Variants in LZTFL1 observed in about 807,000 individuals in gnomAD.
LZTFL1 encodes the protein leucine zipper transcription factor-like protein 1.
Under a neutral mutation model 45.9 loss-of-function variants are expected in LZTFL1, and 25 were observed. That is an observed-to-expected ratio of 0.54 (90% CI 0.40 to 0.76). LZTFL1 has a LOEUF of 0.76. Ranked by LOEUF, LZTFL1 falls within the 30% of genes least tolerant of loss-of-function variation. LZTFL1 has a pLI of 0.00. For synonymous variants in LZTFL1, 93 were observed against 117.4 expected (o/e 0.79, Z 1.35); for missense variants, 277 against 331.1 (o/e 0.84, Z 1.27).
chr3:45,851,641 A>G (rs113181700), intron 4 of LZTFL1, among the ~76,000 whole-genome samples: 3,673 of 152,110 alleles, frequency 0.024, 156 homozygotes, highest in African/African-American at 0.082. Flanking sequence ...AGAAGTTTCT[A>G]TTTCTCACCA....
intron 2 of LZTFL1, among the ~76,000 whole-genome samples, chr3:45,861,728 A>G (rs963786615): frequency 3.9e-5 from 6 of 152,240 alleles, no homozygotes; most frequent in African/African-American, 1.4e-4. Context: ...AACTAGCAGT[A>G]AAGCACATAA....
At chr3:45,840,156 A>G (rs977169913) in intron 1 of LZTFL1, among the ~76,000 whole-genome samples, 1 of 152,192 alleles carries the variant, frequency 6.6e-6, no homozygotes, top group Non-Finnish European at 1.5e-5. Flanking sequence ...AGGAAAGTTA[A>G]GACTGTCCCA....
intron 2 of LZTFL1, among the ~76,000 whole-genome samples, chr3:45,891,692 A>AT (rs1054339466): frequency 4.6e-5 from 7 of 151,816 alleles, no homozygotes; most frequent in East Asian, 1.9e-4. Context: ...CTTCACAATT[A>AT]TTTTTTTTCC....
rs1488761832 is a variant in LZTFL1 at position 45,835,659 on chromosome 3, C to A, written c.254G>T (p.Arg85Leu). The part of the protein sequence containing the change: ...NTAYTNVLLL[R>L]QLFAQAEKWY... The stretch of plus-strand genomic sequence containing the variant: ...CTTCTCAGCTTGTGCAAACAGCTGT[C>A]GCAGAAGTAACACATTGGTATAGGC... The change falls in exon 3 of 10, where the codon CGA (arginine) becomes CTA (leucine). Residue 85 changes from arginine (R) to leucine (L), a missense_variant. Arg to Leu is a moderately radical substitution (Grantham distance 102). Transcript: ENST00000296135. 2 of 1,614,098 alleles carry A rather than the reference C, an allele frequency of 1.2e-6. No homozygotes were observed. Among genetic ancestry groups the A allele is most frequent in the East Asian group, 2.2e-5 (1 of 44,878 alleles).
At chr3:45,858,095 C>A (rs571200385) in intron 3 of LZTFL1, among the ~76,000 whole-genome samples, 1 of 152,300 alleles carries the variant, frequency 6.6e-6, no homozygotes, top group Admixed American at 6.5e-5. Flanking sequence ...CAGGATCTCA[C>A]TCCTTTACAC....
chr3:45,888,804 A>G (rs976278432), intron 2 of LZTFL1, among the ~76,000 whole-genome samples: 2 of 151,468 alleles, frequency 1.3e-5, no homozygotes, highest in Non-Finnish European at 2.9e-5. Flanking sequence ...CAAAAATGAA[A>G]GAGAAATAGA....
intron 2 of LZTFL1, among the ~76,000 whole-genome samples, chr3:45,876,744 A>G (rs142142398): frequency 3.5e-4 from 53 of 152,306 alleles, no homozygotes; most frequent in African/African-American, 9.1e-4. Flanking sequence ...AAAGCCTGTG[A>G]TCCTGGCTTA....
intron 2 of LZTFL1, among the ~76,000 whole-genome samples, chr3:45,911,435 G>A (rs776577217): frequency 1.3e-5 from 2 of 152,266 alleles, no homozygotes; most frequent in African/African-American, 4.8e-5. Flanking sequence ...GAGGCACAGA[G>A]TAGCTAAGTG....
At chr3:45,870,740 C>T (rs778794650) in intron 2 of LZTFL1, among the ~76,000 whole-genome samples, 1 of 152,192 alleles carries the variant, frequency 6.6e-6, no homozygotes, top group Non-Finnish European at 1.5e-5. Context: ...CTTGAAAACA[C>T]TCTCATAGTA....
intron 2 of LZTFL1, among the ~76,000 whole-genome samples, chr3:45,884,389 G>T (rs79006711): frequency 1.3e-5 from 2 of 151,982 alleles, no homozygotes; most frequent in East Asian, 3.9e-4. Flanking sequence ...ACTTCCTTGC[G>T]TCTTCCCTTC....
intron 2 of LZTFL1, among the ~76,000 whole-genome samples, chr3:45,908,653 G>A (rs548098753): frequency 5.5e-4 from 84 of 152,246 alleles, no homozygotes; most frequent in African/African-American, 1.9e-3. Flanking sequence ...GGAGGAGGGC[G>A]GTGTGTGCCA....
rs1425577039 is a variant in LZTFL1, at chr3:45,873,413, AGCCTTACTT to A, written c.-214-14406_-214-14398del. ...TTTATGAACATTTCATTTCTCCATCAGCCTTACTTGCCTTACTTGCCTTCCCATCTTTAC... is the reference window on the plus strand; with the variant it reads ...TTTATGAACATTTCATTTCTCCATCAGCCTTACTTGCCTTCCCATCTTTAC... On this transcript the variant is annotated intron_variant, in intron 2 of 4. Coordinates refer to the LZTFL1 transcript ENST00000472635. Among the ~76,000 whole-genome samples, 14 of 152,280 alleles carry A rather than the reference AGCCTTACTT, an allele frequency of 9.2e-5. No homozygotes were observed. In the East Asian group the frequency reaches 9.6e-4, roughly 10 times the overall value.
chr3:45,842,898 G>C (rs1288047158), upstream of LZTFL1, among the ~76,000 whole-genome samples: 1 of 152,326 alleles, frequency 6.6e-6, no homozygotes, highest in East Asian at 1.9e-4. Context: ...GGAAGGACAA[G>C]TGTAGGATGA....
At chr3:45,838,144 T>C in intron 1 of LZTFL1, 93 bp from the exon 2 acceptor site, 1 of 1,318,110 alleles carries the variant, frequency 7.6e-7, no homozygotes, top group Non-Finnish European at 1.0e-6. Context: ...TGGTCGAGAC[T>C]GCTAGATCTC....
intron 1 of LZTFL1, among the ~76,000 whole-genome samples, chr3:45,840,952 G>C (rs916502508): frequency 1.3e-5 from 2 of 152,236 alleles, no homozygotes; most frequent in Non-Finnish European, 2.9e-5. Flanking sequence ...GTCTTGTGTA[G>C]TTATTATCTG....
intron 4 of LZTFL1, among the ~76,000 whole-genome samples, chr3:45,850,067 T>G (rs1185693693): frequency 6.6e-6 from 1 of 152,230 alleles, no homozygotes; most frequent in African/African-American, 2.4e-5. Context: ...CCCATTGTAT[T>G]TGTTACTTAG....
intron 2 of LZTFL1, chr3:45,883,759 C>A: frequency 1.8e-6 from 1 of 557,278 alleles, no homozygotes; most frequent in South Asian, 2.7e-5. Context: ...TTCTGCAATG[C>A]ATCCCCATGA....
intron 2 of LZTFL1, among the ~76,000 whole-genome samples, chr3:45,869,670 T>C (rs1701640395): frequency 6.6e-6 from 1 of 152,180 alleles, no homozygotes. Flanking sequence ...GGGTAATGCC[T>C]GGAGATGGCT....
At chr3:45,835,277 A>T (rs369381118) in intron 3 of LZTFL1, 3 of 233,140 alleles carry the variant, frequency 1.3e-5, no homozygotes, top group African/African-American at 6.8e-5. Flanking sequence ...TAGTTGACCA[A>T]TCTATAAAGA....
Sources: allele counts gnomAD v4.1 joint callset (sites outside exome capture counted in the v4.1 genomes callset), GRCh38; gene constraint gnomAD v4.1.1; transcripts MANE v1.5; gene names NCBI Gene and HGNC (gene_info 2026-07-23, HGNC 2026-07-21).